Variants in PGGT1B observed in about 807,000 individuals in gnomAD.
The protein encoded by PGGT1B is protein geranylgeranyltransferase type I subunit beta.
PGGT1B carries 30 observed loss-of-function variants against 46.1 expected under a neutral mutation model. That is an observed-to-expected ratio of 0.65 (90% CI 0.49 to 0.88). The LOEUF is 0.88. Ranked by LOEUF, PGGT1B falls within the 40% of genes least tolerant of loss-of-function variation. PGGT1B has a pLI of 0.00. For missense variants in PGGT1B, 376 were observed against 455.9 expected (o/e 0.82, Z 1.60); for synonymous variants, 170 against 160.0 (o/e 1.06, Z -0.47).
Position 115,206,430 on chromosome 5 carries a change from C to G in PGGT1B, c.*5972G>C, listed in dbSNP as rs1756065125. 6.6e-6 allele frequency: 1 copy of G among 151,812 alleles called. No individual in the cohort carries two copies. Among genetic ancestry groups the G allele is most frequent in the African/African-American group, 2.4e-5 (1 of 41,388 alleles). 9.4% of individuals were successfully genotyped at this position (151,812 alleles called of 1,614,324 possible). A position where few individuals can be genotyped will look rare whatever the true frequency, so the allele number is the denominator to read the frequency against. On this transcript the variant is annotated 3_prime_UTR_variant, in exon 9 of 9. Coordinates refer to ENST00000419445, the MANE Select transcript of PGGT1B (RefSeq NM_005023.4). ...TGTAAATATCTGAATAATTAAGCAC[C>G]AGTAATCTCAATAGCACTTACTTAA...
chr5:115,238,575 A>T (rs1350313778), intron 3 of PGGT1B, among the ~76,000 whole-genome samples: 2 of 152,080 alleles, frequency 1.3e-5, no homozygotes, highest in Non-Finnish European at 2.9e-5. Flanking sequence ...TCTAAAACAA[A>T]ACTTATTTTA....
At chr5:115,256,265 T>C (rs1450774819) in intron 1 of PGGT1B, among the ~76,000 whole-genome samples, 2 of 152,232 alleles carry the variant, frequency 1.3e-5, no homozygotes, top group African/African-American at 4.8e-5. Context: ...CCAAGAATTA[T>C]CTGGCCTAAA....
intron 8 of PGGT1B, among the ~76,000 whole-genome samples, chr5:115,215,213 G>A (rs185606982): frequency 6.6e-6 from 1 of 152,242 alleles, no homozygotes; most frequent in Non-Finnish European, 1.5e-5. Context: ...GACCAGGCTG[G>A]TCTTCAACTC....
intron 7 of PGGT1B, among the ~76,000 whole-genome samples, chr5:115,217,940 C>T (rs1756470739): frequency 1.3e-5 from 2 of 151,730 alleles, no homozygotes; most frequent in African/African-American, 2.4e-5. Flanking sequence ...TTTCACTATC[C>T]CATAATAAGT....
rs746808897 is a variant in PGGT1B, at chr5:115,236,392, T to C, written c.610A>G (p.Met204Val). The C allele has an allele frequency of 6.3e-7, 1 of 1,591,932 alleles. No individual in the cohort carries two copies. The highest frequency in any genetic ancestry group is 1.8e-5 in the Admixed American group (1 of 56,008). The change falls in exon 5 of 9, where the codon ATG becomes GTG. Residue 204 changes from methionine to valine, a missense_variant and splice_region_variant. By Grantham distance (21) the Met-to-Val change is conservative. Coordinates refer to ENST00000419445, the MANE Select transcript of PGGT1B (RefSeq NM_005023.4). ...KKAITYIRRS[M>V]SYDNGLAQGA... ...TCAATTTTATCAACAGAACTCACCA[T>C]ACTCCTTCTAATATAGGTGATGGCT...
At chr5:115,244,947 C>G (rs1490339564) in intron 2 of PGGT1B, among the ~76,000 whole-genome samples, 27 of 152,132 alleles carry the variant, frequency 1.8e-4, no homozygotes, top group Admixed American at 1.8e-3. Flanking sequence ...GGGGCAGTAT[C>G]AAAAGGCGTA....
chr5:115,230,871 A>C, intron 6 of PGGT1B, 105 bp downstream of exon 6: 1 of 720,310 alleles, frequency 1.4e-6, no homozygotes, highest in Middle Eastern at 2.4e-4. Context: ...ATTATGCTGC[A>C]CCAAGGGTTG....
At chr5:115,218,137 T>C (rs1388450990) in intron 7 of PGGT1B, among the ~76,000 whole-genome samples, 2 of 151,684 alleles carry the variant, frequency 1.3e-5, no homozygotes, top group Non-Finnish European at 3.0e-5. Flanking sequence ...GGGTAACAAT[T>C]TGTTGGAAAA....
Position 115,208,267 on chromosome 5 carries a change from T to C in PGGT1B, c.*4135A>G, listed in dbSNP as rs1469985056. The C allele has an allele frequency of 6.6e-6, 1 of 152,038 alleles. No individual in the cohort carries two copies. Among genetic ancestry groups the C allele is most frequent in the African/African-American group, 2.4e-5 (1 of 41,428 alleles). The allele number at this position is 152,038 out of a possible 1,614,324, so 9.4% of individuals were successfully genotyped here. ...TTTCTTTATTTGTTTTTTTTCTTTT[T>C]TTGGCACTTTGAGGTTCAAGATTCT... On this transcript the variant is annotated 3_prime_UTR_variant, in exon 9 of 9. Transcript: ENST00000419445.
At chr5:115,247,375 C>G (rs997505953) in intron 2 of PGGT1B, among the ~76,000 whole-genome samples, 3 of 152,062 alleles carry the variant, frequency 2.0e-5, no homozygotes, top group African/African-American at 7.2e-5. Flanking sequence ...GCCAAAATAT[C>G]ACCATACTAT....
At chr5:115,223,065 T>C (rs1756636345) in intron 6 of PGGT1B, among the ~76,000 whole-genome samples, 1 of 151,292 alleles carries the variant, frequency 6.6e-6, no homozygotes, top group African/African-American at 2.4e-5. Context: ...CATGTATACA[T>C]ATGTAACAAA....
At chr5:115,223,035 T>G (rs1295280893) in intron 6 of PGGT1B, among the ~76,000 whole-genome samples, 2 of 151,732 alleles carry the variant, frequency 1.3e-5, no homozygotes, top group Non-Finnish European at 2.9e-5. Context: ...AGTTAATGGG[T>G]GCAGCACACC....
At chr5:115,233,427 C>A (rs967263326) in intron 5 of PGGT1B, among the ~76,000 whole-genome samples, 1 of 145,558 alleles carries the variant, frequency 6.9e-6, no homozygotes. Flanking sequence ...AGAAAACATC[C>A]AAGAGAATAA....
chr5:115,217,819 T>G (rs970622817), intron 7 of PGGT1B, among the ~76,000 whole-genome samples: 2 of 151,946 alleles, frequency 1.3e-5, no homozygotes, highest in African/African-American at 2.4e-5. Flanking sequence ...GAAAAAGACT[T>G]TTTTGAATCT....
intron 2 of PGGT1B, among the ~76,000 whole-genome samples, chr5:115,247,197 A>G (rs111973814): frequency 6.6e-6 from 1 of 152,202 alleles, no homozygotes; most frequent in Non-Finnish European, 1.5e-5. Flanking sequence ...GTACATTTAG[A>G]TATTCTTTAA....
At chr5:115,242,376 T>C (rs1757374118) in intron 2 of PGGT1B, among the ~76,000 whole-genome samples, 2 of 152,318 alleles carry the variant, frequency 1.3e-5, no homozygotes, top group South Asian at 4.1e-4. Context: ...AACAATGCAG[T>C]ATCAGCAGAC....
At chr5:115,246,186 T>A (rs369491999) in intron 2 of PGGT1B, among the ~76,000 whole-genome samples, 1 of 152,116 alleles carries the variant, frequency 6.6e-6, no homozygotes, top group East Asian at 1.9e-4. Flanking sequence ...TTCTACCCCA[T>A]CTCTACTAAA....
chr5:115,212,272 G>C lies in PGGT1B; in HGVS notation c.*130C>G. ...TACTGGCTCAAGACCATATCCCAAA[G>C]TGAAATCAGCAGGAGATTTGATTGT... On this transcript the variant is annotated 3_prime_UTR_variant, in exon 9 of 9. Coordinates refer to ENST00000419445, the MANE Select transcript of PGGT1B (RefSeq NM_005023.4). 6.7e-7 allele frequency: 1 copy of C among 1,482,178 alleles called. No homozygotes were observed. The highest frequency in any genetic ancestry group is 9.0e-7 in the Non-Finnish European group (1 of 1,115,190). The allele number at this position is 1,482,178 out of a possible 1,614,324, so 91.8% of individuals were successfully genotyped here.
At chr5:115,215,502 T>C (rs780317829) in intron 8 of PGGT1B, among the ~76,000 whole-genome samples, 7 of 152,094 alleles carry the variant, frequency 4.6e-5, no homozygotes, top group Non-Finnish European at 1.0e-4. Flanking sequence ...TTTCACCATG[T>C]GGCCAGGCTA....
Sources: allele counts gnomAD v4.1 joint callset (sites outside exome capture counted in the v4.1 genomes callset), GRCh38; gene constraint gnomAD v4.1.1; transcripts MANE v1.5; gene names NCBI Gene and HGNC (gene_info 2026-07-23, HGNC 2026-07-21).